The following RSPO2 variants were observed in gnomAD, a reference collection of about 807,000 sequenced individuals.
The protein encoded by RSPO2 is R-spondin-2.
RSPO2 carries 14 observed loss-of-function variants against 30.9 expected under a neutral mutation model. The ratio of observed to expected loss-of-function variants is 0.45; its 90% CI spans 0.30 to 0.71. RSPO2 has a LOEUF of 0.71. Ranked by LOEUF, RSPO2 falls within the 30% of genes least tolerant of loss-of-function variation. The pLI is 0.08. For synonymous variants in RSPO2, 107 were observed against 96.4 expected, an observed-to-expected ratio of 1.11 and a Z score of -0.64; for missense variants, 264 against 301.9, an observed-to-expected ratio of 0.87 and a Z score of 0.93.
chr8:108,065,378 G>A (rs753085891), intron 2 of RSPO2, among the ~76,000 whole-genome samples: 1 of 151,336 alleles, frequency 6.6e-6, no homozygotes, highest in Non-Finnish European at 1.5e-5. Flanking sequence ...TCCAGCAAGA[G>A]TTTTACGAGC....
In RSPO2 at chr8:108,027,397, C is replaced by T. The variant is rs557029375; in HGVS notation, c.95-38153G>A. On this transcript the variant is annotated intron_variant, in intron 2 of 5. Coordinates refer to ENST00000276659, the MANE Select transcript of RSPO2 (RefSeq NM_178565.5). ...TAACAAGCCACCATATAAGATTTAC[C>T]CAGTGGGCTTTTCCAAATGAAGTAT... Among the ~76,000 whole-genome samples the T allele has an allele frequency of 3.3e-5, 5 of 152,180 alleles. No individual in the cohort carries two copies. In the South Asian group the frequency reaches 1.0e-3, roughly 32 times the overall value.
chr8:107,990,892 A>G (rs1222259307), intron 2 of RSPO2, among the ~76,000 whole-genome samples: 1 of 152,074 alleles, frequency 6.6e-6, no homozygotes, highest in Non-Finnish European at 1.5e-5. Flanking sequence ...CAGAAATAAG[A>G]CCACACATCT....
intron 5 of RSPO2, among the ~76,000 whole-genome samples, chr8:107,951,055 TGTTGTTGTTG>T (rs1813229708): frequency 1.4e-5 from 2 of 147,458 alleles, no homozygotes; most frequent in Admixed American, 6.8e-5. Context: ...TTTTTTTTGT[TGTTGTTGTTG>T]TTGTTGTTGT....
intron 2 of RSPO2, among the ~76,000 whole-genome samples, chr8:107,990,913 G>T (rs1814822288): frequency 6.6e-6 from 1 of 152,096 alleles, no homozygotes; most frequent in South Asian, 2.1e-4. Context: ...ACAACTGTCT[G>T]ATCTTTGACA....
Position 107,983,732 on chromosome 8 carries a change from T to C in RSPO2, c.283+5324A>G, listed in dbSNP as rs141140683. On this transcript the variant is annotated intron_variant, in intron 3 of 5. Coordinates refer to ENST00000276659, the MANE Select transcript of RSPO2 (RefSeq NM_178565.5). ...AACTAAAGGCTGAAAAGGCCAGACT[T>C]CTAAAAGGTCCAATAGAAAAGGAGC... 2.1e-3 allele frequency: 3,349 copies of C among 1,594,296 alleles called. 116 individuals carry two copies. In the East Asian group the frequency reaches 0.069, roughly 33 times the overall value.
At chr8:107,934,186 G>A (rs577034743) in intron 5 of RSPO2, among the ~76,000 whole-genome samples, 5 of 152,154 alleles carry the variant, frequency 3.3e-5, no homozygotes, top group African/African-American at 1.2e-4. Flanking sequence ...CAAGCTTTTT[G>A]GAAAGCCATT....
chr8:108,052,887 G>T (rs1367989816), intron 2 of RSPO2, among the ~76,000 whole-genome samples: 1 of 151,864 alleles, frequency 6.6e-6, no homozygotes, highest in African/African-American at 2.4e-5. Flanking sequence ...CGGCTCTTGG[G>T]ATCATATAGT....
chr8:108,003,827 T>C (rs1586619634), intron 2 of RSPO2, among the ~76,000 whole-genome samples: 3 of 152,162 alleles, frequency 2.0e-5, no homozygotes, highest in African/African-American at 7.2e-5. Context: ...TCCAAGATCA[T>C]AGTTTGTGAC....
chr8:108,033,398 C>A (rs1344736022), intron 2 of RSPO2, among the ~76,000 whole-genome samples: 2 of 152,268 alleles, frequency 1.3e-5, no homozygotes, highest in South Asian at 2.1e-4. Context: ...ATCTAGCTGG[C>A]CTCTCAGATT....
intron 2 of RSPO2, among the ~76,000 whole-genome samples, chr8:108,002,939 C>CA (rs1815298050): frequency 6.6e-6 from 1 of 151,370 alleles, no homozygotes; most frequent in African/African-American, 2.4e-5. Flanking sequence ...TACTATCATG[C>CA]AAAAAAAGTC....
At chr8:107,907,344 T>C (rs1388844287) in intron 5 of RSPO2, among the ~76,000 whole-genome samples, 24 of 152,010 alleles carry the variant, frequency 1.6e-4, no homozygotes, top group Admixed American at 1.6e-3. Context: ...CAGATAGCTG[T>C]GTTTTGAAAG....
chr8:107,945,953 G>A (rs569462110), intron 5 of RSPO2, among the ~76,000 whole-genome samples: 66 of 152,190 alleles, frequency 4.3e-4, no homozygotes, highest in Admixed American at 1.6e-3. Flanking sequence ...CTTTGTATAT[G>A]TTGACACATC....
intron 2 of RSPO2, among the ~76,000 whole-genome samples, chr8:108,074,005 T>C (rs1286548073): frequency 6.6e-6 from 1 of 152,202 alleles, no homozygotes; most frequent in African/African-American, 2.4e-5. Flanking sequence ...AACTTGGACC[T>C]CTTTGAGACT....
chr8:107,980,743 T>C (rs1344479737), intron 3 of RSPO2, among the ~76,000 whole-genome samples: 1 of 152,142 alleles, frequency 6.6e-6, no homozygotes, highest in Non-Finnish European at 1.5e-5. Context: ...CCAGGTTAGA[T>C]GGTGAAGGAA....
intron 2 of RSPO2, among the ~76,000 whole-genome samples, chr8:108,057,883 A>G (rs1158186580): frequency 9.9e-5 from 15 of 152,282 alleles, no homozygotes; most frequent in South Asian, 2.1e-4. Context: ...GGACTGAGAC[A>G]ATGGGGTTTT....
At chr8:107,923,808 G>T (rs1812266034) in intron 5 of RSPO2, among the ~76,000 whole-genome samples, 1 of 152,026 alleles carries the variant, frequency 6.6e-6, no homozygotes, top group Non-Finnish European at 1.5e-5. Context: ...GGTTGATGCT[G>T]GAGGCCATTA....
At chr8:108,057,275 T>G (rs1317786623) in intron 2 of RSPO2, among the ~76,000 whole-genome samples, 1 of 151,982 alleles carries the variant, frequency 6.6e-6, no homozygotes, top group African/African-American at 2.4e-5. Context: ...CACAGGCACT[T>G]TCAAAACTTT....
intron 2 of RSPO2, among the ~76,000 whole-genome samples, chr8:107,990,944 T>C (rs1386028479): frequency 6.6e-6 from 1 of 151,934 alleles, no homozygotes; most frequent in Non-Finnish European, 1.5e-5. Flanking sequence ...AAACAAGCAA[T>C]GAGGGGCTGG....
chr8:108,063,980 A>T (rs1235607637), intron 2 of RSPO2, among the ~76,000 whole-genome samples: 4 of 152,244 alleles, frequency 2.6e-5, no homozygotes, highest in African/African-American at 9.6e-5. Flanking sequence ...AGCCATATGT[A>T]GAAAGCTGAA....
Sources: allele counts gnomAD v4.1 joint callset (sites outside exome capture counted in the v4.1 genomes callset), GRCh38; gene constraint gnomAD v4.1.1; transcripts MANE v1.5; gene names NCBI Gene and HGNC (gene_info 2026-07-23, HGNC 2026-07-21).